The following NR3C2 variants were observed in gnomAD, a reference collection of about 807,000 sequenced individuals.
NR3C2 encodes the protein mineralocorticoid receptor.
In NR3C2, 15 loss-of-function variants were observed where a neutral mutation model predicts 86.4. The observed-to-expected ratio is 0.17, with a 90% CI of 0.12 to 0.27. The LOEUF (loss-of-function observed/expected upper bound fraction) is 0.27. NR3C2 is among the 10% of genes least tolerant of loss of function. The pLI is 1.00. For synonymous variants in NR3C2, 458 were observed against 450.5 expected (o/e 1.02, Z -0.21); for missense variants, 960 against 1,195.6 (o/e 0.80, Z 2.91).
At chr4:148,118,773 G>A (rs1168819872) in intron 7 of NR3C2, among the ~76,000 whole-genome samples, 4 of 152,158 alleles carry the variant, frequency 2.6e-5, no homozygotes, top group South Asian at 2.1e-4. Flanking sequence ...ATTTCTCTGC[G>A]CTCAAAACCT....
intron 3 of NR3C2, among the ~76,000 whole-genome samples, chr4:148,248,960 T>C (rs975800897): frequency 5.9e-5 from 9 of 152,200 alleles, no homozygotes; most frequent in African/African-American, 1.4e-4. Flanking sequence ...GGCAGATACT[T>C]TGAAGATTTT....
At position 148,440,393 on chromosome 4, in the gene NR3C2, A is replaced by C. The variant is rs1750277413; in HGVS notation, c.-3+1767T>G. Among the ~76,000 whole-genome samples the C allele has an allele frequency of 2.6e-5, 4 of 152,240 alleles. No homozygotes were observed. In the South Asian group the frequency reaches 8.3e-4, roughly 31 times the overall value. The stretch of plus-strand genomic sequence containing the variant: ...TTCAGTCAACCTGTACTAACTAGTG[A>C]ATACTGAAAATACTAGTCGATGAAT... On this transcript the variant is annotated intron_variant, in intron 1 of 8. Coordinates refer to ENST00000358102, the MANE Select transcript of NR3C2 (RefSeq NM_000901.5).
chr4:148,096,919 C>T (rs1162364124), intron 8 of NR3C2, among the ~76,000 whole-genome samples: 3 of 152,204 alleles, frequency 2.0e-5, no homozygotes, highest in Admixed American at 1.3e-4. Context: ...GAAGGCATCT[C>T]ACAGATTCAA....
At chr4:148,181,571 A>G (rs1192626194) in intron 4 of NR3C2, among the ~76,000 whole-genome samples, 1 of 152,124 alleles carries the variant, frequency 6.6e-6, no homozygotes, top group Non-Finnish European at 1.5e-5. Context: ...TGTATAGACC[A>G]CTCCCTTCAG....
intron 8 of NR3C2, among the ~76,000 whole-genome samples, chr4:148,105,728 C>G (rs1327679427): frequency 6.6e-6 from 1 of 152,202 alleles, no homozygotes; most frequent in Non-Finnish European, 1.5e-5. Flanking sequence ...TCGACATACA[C>G]AAATCAATAA....
Position 148,436,542 on chromosome 4 carries a change from A to G in NR3C2, c.319T>C (p.Leu107=). 1 of 1,614,150 alleles carries G rather than the reference A, an allele frequency of 6.2e-7. No homozygotes were observed. The highest frequency in any genetic ancestry group is 8.5e-7 in the Non-Finnish European group (1 of 1,180,022). ...LSATVAESMG[L]YMDSVRDADY... is the part of the protein sequence containing the mutation. ...GCATCTCTTACAGAATCCATATATA[A>G]ACCCATGGACTCAGCTACAGTTGCT... Residue 107 remains leucine, a synonymous_variant, in exon 2 of 9, where the codon TTA becomes CTA. Coordinates refer to ENST00000358102, the MANE Select transcript of NR3C2 (RefSeq NM_000901.5).
intron 8 of NR3C2, among the ~76,000 whole-genome samples, chr4:148,085,958 A>G (rs1730793956): frequency 2.0e-5 from 3 of 152,234 alleles, no homozygotes; most frequent in Non-Finnish European, 4.4e-5. Context: ...ACAGACCAAT[A>G]ACAAGTTCTG....
intron 8 of NR3C2, among the ~76,000 whole-genome samples, chr4:148,105,349 A>T (rs544239256): frequency 6.6e-6 from 1 of 152,322 alleles, no homozygotes; most frequent in African/African-American, 2.4e-5. Flanking sequence ...CCCTGAATAG[A>T]CCAATAACTA....
At chr4:148,099,857 C>T (rs1042253475) in intron 8 of NR3C2, among the ~76,000 whole-genome samples, 13 of 152,126 alleles carry the variant, frequency 8.5e-5, no homozygotes, top group Admixed American at 4.6e-4. Context: ...AGAAACATAG[C>T]CTGTAGGACC....
chr4:148,409,445 C>T (rs1748583761), intron 2 of NR3C2, among the ~76,000 whole-genome samples: 1 of 152,074 alleles, frequency 6.6e-6, no homozygotes, highest in Admixed American at 6.5e-5. Context: ...CACATGTTCC[C>T]AAGTCTTCAT....
At chr4:148,089,983 C>T (rs1198617544) in intron 8 of NR3C2, among the ~76,000 whole-genome samples, 1 of 152,210 alleles carries the variant, frequency 6.6e-6, no homozygotes, top group Admixed American at 6.5e-5. Context: ...CAGTATCAAC[C>T]ACCACAAGGA....
rs1354547145 is a variant in NR3C2, at chr4:148,215,787, T to G, written c.1898-20925A>C. The stretch of plus-strand genomic sequence containing the variant: ...TAGGCTTTTTGAGGCATAGTTTTTT[T>G]TTTTTTTTTTGAGATGGAGTCTTGT... On this transcript the variant is annotated intron_variant, in intron 3 of 8. Coordinates refer to ENST00000358102, the MANE Select transcript of NR3C2 (RefSeq NM_000901.5). 2.7e-5 allele frequency among the ~76,000 whole-genome samples: 4 copies of G among 150,274 alleles called. No homozygotes were observed. The East Asian group carries it at 7.7e-4, about 29-fold the overall frequency.
At chr4:148,119,678 C>T (rs1161881987) in intron 7 of NR3C2, among the ~76,000 whole-genome samples, 3 of 151,170 alleles carry the variant, frequency 2.0e-5, no homozygotes, top group African/African-American at 4.9e-5. Flanking sequence ...CCCAGCTACT[C>T]GGGAGGCCGA....
chr4:148,285,640 G>A (rs1251616718), intron 2 of NR3C2, among the ~76,000 whole-genome samples: 1 of 152,132 alleles, frequency 6.6e-6, no homozygotes, highest in Non-Finnish European at 1.5e-5. Flanking sequence ...CCAGGAGGCA[G>A]AGGTTGCAGT....
intron 2 of NR3C2, among the ~76,000 whole-genome samples, chr4:148,266,126 G>T (rs1297053324): frequency 2.7e-5 from 4 of 146,962 alleles, no homozygotes; most frequent in Non-Finnish European, 4.5e-5. Flanking sequence ...AGGCTGGAGT[G>T]CAGTGGTGTG....
chr4:148,181,201 T>C (rs1735629749), intron 4 of NR3C2, among the ~76,000 whole-genome samples: 1 of 152,238 alleles, frequency 6.6e-6, no homozygotes, highest in Non-Finnish European at 1.5e-5. Context: ...AAAGTCTACC[T>C]TTTTAAAGTT....
At chr4:148,291,635 T>C (rs774041472) in intron 2 of NR3C2, among the ~76,000 whole-genome samples, 17 of 152,106 alleles carry the variant, frequency 1.1e-4, no homozygotes, top group African/African-American at 2.4e-4. Flanking sequence ...TATACTATAA[T>C]TGATGTCTGA....
intron 4 of NR3C2, among the ~76,000 whole-genome samples, chr4:148,191,753 G>T (rs4091074): frequency 1 from 152,324 of 152,358 alleles, 76,145 homozygotes; most frequent in Middle Eastern, 1. Flanking sequence ...TGAATTTCTT[G>T]CTTCTACTTG....
intron 2 of NR3C2, among the ~76,000 whole-genome samples, chr4:148,380,743 A>G (rs1462800781): frequency 6.6e-6 from 1 of 152,178 alleles, no homozygotes; most frequent in Non-Finnish European, 1.5e-5. Context: ...GTTCTTCTGT[A>G]TAGTTTAGAT....
Sources: allele counts gnomAD v4.1 joint callset (sites outside exome capture counted in the v4.1 genomes callset), GRCh38; gene constraint gnomAD v4.1.1; transcripts MANE v1.5; gene names NCBI Gene and HGNC (gene_info 2026-07-23, HGNC 2026-07-21).